The following POR variants were observed in gnomAD, a reference collection of about 807,000 sequenced individuals.
POR encodes the protein NADPH--cytochrome P450 reductase.
In POR, 56 loss-of-function variants were observed where a neutral mutation model predicts 84.0. The ratio of observed to expected loss-of-function variants is 0.67; its 90% CI spans 0.54 to 0.83. The LOEUF (loss-of-function observed/expected upper bound fraction) is 0.83. Ranked by LOEUF, POR falls within the 40% of genes least tolerant of loss-of-function variation. The pLI, the probability that POR is intolerant of heterozygous loss-of-function variation, is 0.00. For synonymous variants in POR, 414 were observed against 400.5 expected (o/e 1.03, Z -0.40); for missense variants, 938 against 944.3 (o/e 0.99, Z 0.09).
In POR at chr7:75,931,492, G is replaced by A. The variant is rs1262389203; in HGVS notation, c.-5+16313G>A. Among the ~76,000 whole-genome samples, 4 of 151,784 alleles carry A rather than the reference G, an allele frequency of 2.6e-5. No individual in the cohort carries two copies. In the East Asian group the frequency reaches 5.8e-4, roughly 22 times the overall value. On this transcript the variant is annotated intron_variant, in intron 1 of 15. Coordinates refer to ENST00000461988, the MANE Select transcript of POR (RefSeq NM_000941.3). ...AGCGATTCTCCTGCCTTAGCCTCCC[G>A]AGTAGCTGGGATTACAGGCGCCTGT...
At position 75,979,587 on chromosome 7, in the gene POR, G is replaced by A. The variant is rs1788890965; in HGVS notation, c.366+8G>A. 1.9e-6 allele frequency: 3 copies of A among 1,612,462 alleles called. No individual in the cohort carries two copies. The highest frequency in any genetic ancestry group is 2.7e-5 in the African/African-American group (2 of 74,930). On this transcript the variant is annotated splice_region_variant and intron_variant, in intron 4 of 15. Coordinates refer to ENST00000461988, the MANE Select transcript of POR (RefSeq NM_000941.3). ...CCTGAGGAGTATGACCTGGTAAGCT[G>A]CCACCGCGTGCTGGCCCCAGATGGA...
intron 1 of POR, among the ~76,000 whole-genome samples, chr7:75,953,287 T>C (rs1214110274): frequency 4.4e-4 from 45 of 102,086 alleles, no homozygotes; most frequent in African/African-American, 1.7e-3. Flanking sequence ...CAGCTTCGGC[T>C]GGGCATCAGA....
chr7:75,924,819 G>A (rs1021107191), intron 1 of POR, among the ~76,000 whole-genome samples: 1 of 152,208 alleles, frequency 6.6e-6, no homozygotes, highest in South Asian at 2.1e-4. Flanking sequence ...TGCGCTGGGT[G>A]TTTATGTCTC....
chr7:75,984,922 G>A lies in POR; in HGVS notation c.1212G>A (p.Leu404=). 6.2e-7 allele frequency: 1 copy of A among 1,605,432 alleles called. No homozygotes were observed. Among genetic ancestry groups the A allele is most frequent in the South Asian group, 1.1e-5 (1 of 90,840 alleles). Reference sequence around the variant, plus strand: ...CCTCGGAGCCCTCGGAGCAGGAGCTGCTGCGCAAGATGGCCTCCTCCTCCG... The same window carrying A: ...CCTCGGAGCCCTCGGAGCAGGAGCTACTGCGCAAGATGGCCTCCTCCTCCG... Residue 404 remains leucine, a synonymous_variant, in exon 11 of 16, where the codon CTG becomes CTA. Transcript: ENST00000461988.
intron 2 of POR, among the ~76,000 whole-genome samples, chr7:75,963,312 T>G (rs1788029258): frequency 6.6e-6 from 1 of 152,310 alleles, no homozygotes; most frequent in East Asian, 1.9e-4. Flanking sequence ...TGCCTCCCGC[T>G]GCTGTGGGAA....
chr7:75,972,288 G>T (rs1487719864), intron 2 of POR, 125 bp from the exon 3 acceptor site: 7 of 856,524 alleles, frequency 8.2e-6, no homozygotes, highest in Non-Finnish European at 1.3e-5. Context: ...GACAAAGCTG[G>T]AATGTCCCCT....
chr7:75,965,977 A>G (rs1788163383), intron 2 of POR, among the ~76,000 whole-genome samples: 2 of 152,138 alleles, frequency 1.3e-5, no homozygotes. Context: ...GGGAGCAGAC[A>G]GGAACCCCGG....
At chr7:75,921,725 C>T (rs1421325406) in intron 1 of POR, among the ~76,000 whole-genome samples, 7 of 152,050 alleles carry the variant, frequency 4.6e-5, no homozygotes, top group African/African-American at 1.2e-4. Context: ...AACCCTGCTT[C>T]GGTCACCCCT....
At chr7:75,982,173 G>A (rs1249129829) in intron 7 of POR, 51 bp from the exon 8 acceptor site, 31 of 1,451,972 alleles carry the variant, frequency 2.1e-5, no homozygotes, top group African/African-American at 4.2e-5. Flanking sequence ...CCTCCCTCTC[G>A]GGACTGACCC....
chr7:75,968,006 C>CT (rs1788259807), intron 2 of POR: 1 of 453,926 alleles, frequency 2.2e-6, no homozygotes, highest in African/African-American at 2.0e-5. Flanking sequence ...TTTCCATCTG[C>CT]TGGCCCCTGC....
intron 2 of POR, among the ~76,000 whole-genome samples, chr7:75,961,747 C>T (rs1554554553): frequency 6.6e-6 from 1 of 152,164 alleles, no homozygotes; most frequent in Non-Finnish European, 1.5e-5. Context: ...GGCATGGCGG[C>T]TCATGCCTGT....
chr7:75,959,295 A>T (rs1405241302), intron 2 of POR, among the ~76,000 whole-genome samples: 2 of 152,124 alleles, frequency 1.3e-5, no homozygotes, highest in African/African-American at 4.8e-5. Flanking sequence ...TCTAAATCCC[A>T]CATCAGTGTC....
chr7:75,965,728 G>C (rs182254030), intron 2 of POR, among the ~76,000 whole-genome samples: 1 of 152,188 alleles, frequency 6.6e-6, no homozygotes. Flanking sequence ...AGGCTTTTGC[G>C]TGTGTGGAAC....
intron 5 of POR, 70 bp downstream of exon 5, chr7:75,980,558 G>T (rs1554557604): frequency 1.2e-6 from 2 of 1,612,140 alleles, no homozygotes; most frequent in African/African-American, 1.3e-5. Flanking sequence ...CCAGATCCAT[G>T]TATCTGAAAG....
intron 1 of POR, among the ~76,000 whole-genome samples, chr7:75,922,218 T>C (rs1806908804): frequency 6.6e-6 from 1 of 151,918 alleles, no homozygotes; most frequent in South Asian, 2.1e-4. Flanking sequence ...CTTGGATGAA[T>C]GGATGAATGA....
rs1554559086 is a variant in POR at position 75,985,647 on chromosome 7, C to G, written c.1467C>G (p.Asn489Lys). Residue 489 changes from asparagine to lysine, a missense_variant, in exon 13 of 16, where the codon AAC becomes AAG. By Grantham distance (94) the Asn-to-Lys change is moderately conservative. Coordinates refer to ENST00000461988, the MANE Select transcript of POR (RefSeq NM_000941.3). ...ACGAGACCAAGGCTGGCCGCATCAACAAGGGCGTGGCCACCAACTGGCTGC... is the reference window on the plus strand; with the variant it reads ...ACGAGACCAAGGCTGGCCGCATCAAGAAGGGCGTGGCCACCAACTGGCTGC... 4.4e-6 allele frequency: 7 copies of G among 1,594,812 alleles called. No individual in the cohort carries two copies. Among genetic ancestry groups the G allele is most frequent in the Non-Finnish European group, 4.3e-6 (5 of 1,171,628 alleles).
rs1789302301 is a variant in POR at position 75,984,759 on chromosome 7, C to G, written c.1067-18C>G. ...AGGCGGCCGCCTACCCCAAGTCCTG[C>G]CTGTCTCTTCCCTGCAGAGGAGTCC... On this transcript the variant is annotated intron_variant, in intron 10 of 15. Transcript: ENST00000461988. 1 of 1,611,398 alleles carries G rather than the reference C, an allele frequency of 6.2e-7. No homozygotes were observed. Among genetic ancestry groups the G allele is most frequent in the East Asian group, 2.2e-5 (1 of 44,842 alleles).
intron 8 of POR, among the ~76,000 whole-genome samples, chr7:75,983,021 C>T (rs1286647710): frequency 6.6e-6 from 1 of 152,172 alleles, no homozygotes; most frequent in Non-Finnish European, 1.5e-5. Context: ...TGACCCAGCT[C>T]TGCCCATGTG....
chr7:75,952,417 A>AC (rs1233103122), intron 1 of POR, among the ~76,000 whole-genome samples: 12 of 96,742 alleles, frequency 1.2e-4, no homozygotes, highest in Non-Finnish European at 1.6e-4. Flanking sequence ...CGGGGGGCTG[A>AC]CCCCCCCACC....
Sources: allele counts gnomAD v4.1 joint callset (sites outside exome capture counted in the v4.1 genomes callset), GRCh38; gene constraint gnomAD v4.1.1; transcripts MANE v1.5; gene names NCBI Gene and HGNC (gene_info 2026-07-23, HGNC 2026-07-21).